The following CACNA1C variants were observed in gnomAD, a reference collection of about 807,000 sequenced individuals.
CACNA1C encodes voltage-dependent L-type calcium channel subunit alpha-1C.
CACNA1C carries 30 observed loss-of-function variants against 229.0 expected under a neutral mutation model. That is an observed-to-expected ratio of 0.13 (90% CI 0.10 to 0.18). CACNA1C has a LOEUF of 0.18. CACNA1C is among the 10% of genes least tolerant of loss of function. The pLI is 1.00. For missense variants in CACNA1C, 1,658 were observed against 2,845.0 expected, an observed-to-expected ratio of 0.58 and a Z score of 9.49; for synonymous variants, 1,114 against 1,132.5, an observed-to-expected ratio of 0.98 and a Z score of 0.33.
intron 1 of CACNA1C, among the ~76,000 whole-genome samples, chr12:2,001,231 T>C (rs148146621): frequency 6.6e-6 from 1 of 152,256 alleles, no homozygotes; most frequent in Non-Finnish European, 1.5e-5. Flanking sequence ...TTTTTTTTTC[T>C]TTCTGAGCAA....
rs2097336670 is a variant in CACNA1C, at chr12:2,355,544, CA to C, written c.478-93428del. 3.9e-5 allele frequency among the ~76,000 whole-genome samples: 6 copies of C among 152,326 alleles called. No homozygotes were observed. The South Asian group carries it at 1.2e-3, about 32-fold the overall frequency. On this transcript the variant is annotated intron_variant, in intron 3 of 46. Coordinates refer to ENST00000399655, the MANE Select transcript of CACNA1C (RefSeq NM_000719.7). ...CTTATGAGATAGAAATGAGACTTGTCAAAACCCTACTGACTCTGTTAGGCCC... is the reference window on the plus strand; with the variant it reads ...CTTATGAGATAGAAATGAGACTTGTCAAACCCTACTGACTCTGTTAGGCCC...
chr12:2,308,660 A>C (rs914516921), intron 3 of CACNA1C, among the ~76,000 whole-genome samples: 1 of 152,218 alleles, frequency 6.6e-6, no homozygotes, highest in Non-Finnish European at 1.5e-5. Flanking sequence ...TGCTTTGGCT[A>C]TTCAGGCAAA....
chr12:2,519,816 TGTA>T (rs768803549), intron 9 of CACNA1C, among the ~76,000 whole-genome samples: 3 of 152,194 alleles, frequency 2.0e-5, no homozygotes, highest in Non-Finnish European at 4.4e-5. Context: ...GGGGCCATGT[TGTA>T]GTAAGGATCC....
chr12:2,025,936 AG>A (rs5795988), intron 1 of CACNA1C, among the ~76,000 whole-genome samples: 10,214 of 152,218 alleles, frequency 0.067, 1,084 homozygotes, highest in East Asian at 0.52. Flanking sequence ...AGGGTAACCA[AG>A]GGGGGAAGAC....
chr12:2,552,798 C>T (rs1026080036), intron 10 of CACNA1C, among the ~76,000 whole-genome samples: 1 of 152,052 alleles, frequency 6.6e-6, no homozygotes, highest in Non-Finnish European at 1.5e-5. Context: ...TGGGCCACGA[C>T]AGAGTGCTCA....
chr12:2,092,858 T>C (rs2071878105), intron 1 of CACNA1C, among the ~76,000 whole-genome samples: 1 of 152,218 alleles, frequency 6.6e-6, no homozygotes, highest in Non-Finnish European at 1.5e-5. Flanking sequence ...GAAATGAGTC[T>C]CATGTCTAAT....
intron 3 of CACNA1C, among the ~76,000 whole-genome samples, chr12:2,367,167 C>T (rs982929157): frequency 8.5e-5 from 13 of 152,222 alleles, no homozygotes; most frequent in Admixed American, 7.2e-4. Context: ...TGTTCCACCT[C>T]AGATCATCAG....
rs141847443 is a variant in CACNA1C at position 2,430,575 on chromosome 12, TGG to T, written c.478-18395_478-18394del. On this transcript the variant is annotated intron_variant, in intron 3 of 46. Transcript: ENST00000399655. ...ACCCCTGACTCAGTCTGGGAGGTGG[TGG>T]GGGGGTCCGAGCATGTATGAGACCC... is the stretch of plus-strand genomic sequence containing the variant. Among the ~76,000 whole-genome samples the T allele has an allele frequency of 1.4e-3, 219 of 151,964 alleles. 1 individual carries two copies. Among genetic ancestry groups the T allele is most frequent in the African/African-American group, 4.9e-3 (204 of 41,406 alleles).
At position 2,319,113 on chromosome 12, in the gene CACNA1C, G is replaced by A. The variant is rs565668795; in HGVS notation, c.478-129863G>A. 6.6e-6 allele frequency among the ~76,000 whole-genome samples: 1 copy of A among 152,072 alleles called. No homozygotes were observed. Among genetic ancestry groups the A allele is most frequent in the East Asian group, 1.9e-4 (1 of 5,164 alleles). ...GTTTCCTGGGGCTGTGAAGTTCATC[G>A]GCTCCTTTTCCTACCCCATCACCTA... is the stretch of plus-strand genomic sequence containing the variant. On this transcript the variant is annotated intron_variant, in intron 3 of 46. Transcript: ENST00000399655. This position sits in a 1 kb window ranked among gnomAD's most constrained non-coding sequence, Gnocchi z 4.0.
intron 3 of CACNA1C, among the ~76,000 whole-genome samples, chr12:2,435,327 A>G (rs1346400031): frequency 3.3e-5 from 5 of 152,176 alleles, no homozygotes; most frequent in African/African-American, 1.2e-4. Flanking sequence ...GGTTGCACAC[A>G]CAATCTGTGT....
chr12:2,536,564 C>T (rs1819673595), intron 9 of CACNA1C, among the ~76,000 whole-genome samples: 1 of 152,220 alleles, frequency 6.6e-6, no homozygotes, highest in Admixed American at 6.5e-5. Context: ...CACAGTAGCT[C>T]ATGCCTGTAA....
intron 1 of CACNA1C, among the ~76,000 whole-genome samples, chr12:2,058,853 A>G (rs2056325499): frequency 6.6e-6 from 1 of 152,172 alleles, no homozygotes; most frequent in African/African-American, 2.4e-5. Flanking sequence ...TTGAACTGAA[A>G]CCTGGGCACT....
chr12:2,002,234 C>T (rs1447805108), intron 1 of CACNA1C, among the ~76,000 whole-genome samples: 1 of 152,162 alleles, frequency 6.6e-6, no homozygotes, highest in Non-Finnish European at 1.5e-5. Context: ...AATACTTTCT[C>T]CTCTATTCTC....
At chr12:2,532,761 TCCTCCTAGA>T (rs904665021) in intron 9 of CACNA1C, among the ~76,000 whole-genome samples, 2 of 152,108 alleles carry the variant, frequency 1.3e-5, no homozygotes, top group African/African-American at 4.8e-5. Flanking sequence ...GCAGCATGAA[TCCTCCTAGA>T]ATTTAAGACT....
chr12:2,175,132 T>C (rs2096609602), intron 3 of CACNA1C, among the ~76,000 whole-genome samples: 2 of 152,204 alleles, frequency 1.3e-5, no homozygotes, highest in Admixed American at 1.3e-4. Flanking sequence ...ACCAAATGCC[T>C]CTATCACTCC....
intron 7 of CACNA1C, among the ~76,000 whole-genome samples, chr12:2,495,399 G>T (rs992051147): frequency 2.6e-5 from 4 of 152,182 alleles, no homozygotes; most frequent in Admixed American, 1.3e-4. Context: ...TCAGGCCCAT[G>T]CATTCCATGG....
rs1288340121 is a variant in CACNA1C at position 2,486,653 on chromosome 12, T to C, written c.916+391T>C. 2.0e-5 allele frequency among the ~76,000 whole-genome samples: 3 copies of C among 152,218 alleles called. No individual in the cohort carries two copies. Among genetic ancestry groups the C allele is most frequent in the Admixed American group, 6.5e-5 (1 of 15,286 alleles). On this transcript the variant is annotated intron_variant, in intron 6 of 46. Transcript: ENST00000399655. The surrounding 1 kb of genome is among the most constrained non-coding windows in gnomAD (Gnocchi z 4.9). The stretch of plus-strand genomic sequence containing the variant: ...TTCCATGCTTCAGTGTGGTTGGCCA[T>C]TGGGAGCCCTTTCACGGGGCCGCTT...
At chr12:2,178,196 T>C (rs1418509092) in intron 3 of CACNA1C, among the ~76,000 whole-genome samples, 1 of 152,202 alleles carries the variant, frequency 6.6e-6, no homozygotes, top group Non-Finnish European at 1.5e-5. Context: ...TAGCAGATTA[T>C]TTCAAATGGG....
chr12:2,311,385 G>C (rs990916537), intron 3 of CACNA1C, among the ~76,000 whole-genome samples: 7 of 152,182 alleles, frequency 4.6e-5, no homozygotes, highest in Non-Finnish European at 1.0e-4. Flanking sequence ...AGGCCTGCAA[G>C]CCTGCAATTA....
Sources: gnomAD v4.1 joint callset for allele counts (sites outside exome capture counted in the v4.1 genomes callset) on GRCh38, gnomAD v4.1.1 for gene constraint, Gnocchi (gnomAD v3.1) non-coding constraint, MANE v1.5 for transcripts, NCBI Gene and HGNC (gene_info 2026-07-23, HGNC 2026-07-21) for gene names.